CCDC88A: variants seen among roughly 807,000 people sequenced by gnomAD.
CCDC88A encodes the protein girdin.
A neutral mutation model predicts 234.3 loss-of-function variants in CCDC88A; 54 were observed. The observed-to-expected ratio is 0.23, with a 90% CI of 0.19 to 0.29. The LOEUF (loss-of-function observed/expected upper bound fraction) is 0.29, where lower values mean the gene tolerates loss of function less well. Ranked by LOEUF, CCDC88A falls within the 10% of genes least tolerant of loss-of-function variation. The pLI is 1.00. For missense variants in CCDC88A, 1,832 were observed against 2,123.4 expected (o/e 0.86, Z 2.70); for synonymous variants, 753 against 737.8 (o/e 1.02, Z -0.33).
Position 55,317,494 on chromosome 2 carries a change from A to G in CCDC88A, c.3602+70T>C. 1 of 1,232,946 alleles carries G rather than the reference A, an allele frequency of 8.1e-7. No individual in the cohort carries two copies. Among genetic ancestry groups the G allele is most frequent in the Non-Finnish European group, 1.1e-6 (1 of 910,662 alleles). 76.4% of individuals were successfully genotyped at this position (1,232,946 alleles called of 1,614,324 possible). A position where few individuals can be genotyped will look rare whatever the true frequency, so the allele number is the denominator to read the frequency against. On this transcript the variant is annotated intron_variant, in intron 20 of 32. Transcript: ENST00000436346. This position sits in a 1 kb window ranked among gnomAD's most constrained non-coding sequence, Gnocchi z 4.2. ...AACTAACATTAGATGTGTTTAATAT[A>G]TAAAATTTATTATACTACTTGAAGA...
At chr2:55,345,204 T>C (rs192970300) in intron 10 of CCDC88A, among the ~76,000 whole-genome samples, 184 of 152,322 alleles carry the variant, frequency 1.2e-3, no homozygotes, top group African/African-American at 4.3e-3. Context: ...AATTAATATG[T>C]ACTTTATCTC....
At chr2:55,374,985 A>C in intron 3 of CCDC88A, 102 bp from the exon 4 acceptor site, 1 of 669,254 alleles carries the variant, frequency 1.5e-6, no homozygotes. Flanking sequence ...TAGGTGTGCT[A>C]TATTGCAATT....
chr2:55,388,529 G>C, intron 3 of CCDC88A: 1 of 212,724 alleles, frequency 4.7e-6, no homozygotes, highest in Non-Finnish European at 9.2e-6. Flanking sequence ...AAGTTCTCAG[G>C]AAACTGGGAC....
intron 1 of CCDC88A, 46 bp downstream of exon 1, chr2:55,418,971 C>T: frequency 6.3e-7 from 1 of 1,595,610 alleles, no homozygotes; most frequent in Non-Finnish European, 8.6e-7. Flanking sequence ...ATCTCTGCAG[C>T]CACAAATAAC....
intron 25 of CCDC88A, chr2:55,308,399 A>C (rs1434893665): frequency 6.4e-6 from 1 of 156,314 alleles, no homozygotes; most frequent in East Asian, 1.9e-4. Context: ...TATGAGCAGA[A>C]ACCTCATTAT....
intron 2 of CCDC88A, among the ~76,000 whole-genome samples, chr2:55,401,499 C>T (rs1314280991): frequency 1.8e-5 from 1 of 54,618 alleles, no homozygotes; most frequent in Non-Finnish European, 4.0e-5. Context: ...TGTGTGTATA[C>T]ATATATATAT....
intron 15 of CCDC88A, among the ~76,000 whole-genome samples, chr2:55,333,583 C>G (rs898483974): frequency 1.3e-5 from 2 of 152,054 alleles, no homozygotes; most frequent in African/African-American, 4.8e-5. Context: ...TTTAATGTTT[C>G]TGAACCTCAG....
Position 55,362,429 on chromosome 2 carries a change from T to G in CCDC88A, c.506A>C (p.Asn169Thr). Reference sequence around the variant, plus strand: ...TTCCATCCATTGCAGGTCAAACACATTTTCCTGATTATGAGTTACCTTTAG... The same window carrying G: ...TTCCATCCATTGCAGGTCAAACACAGTTTCCTGATTATGAGTTACCTTTAG... ...HIQEVTHNQE[N>T]VFDLQWMEVT... The change falls in exon 7 of 33, where the codon AAT becomes ACT. Residue 169 changes from asparagine (N) to threonine (T), a missense_variant. This residue lies in a region of CCDC88A where 1,282 missense variants were observed against 1,543.6 expected (regional missense o/e 0.83). Transcript: ENST00000436346. 2 of 1,602,178 alleles carry G rather than the reference T, an allele frequency of 1.2e-6. No individual in the cohort carries two copies. Among genetic ancestry groups the G allele is most frequent in the Non-Finnish European group, 1.7e-6 (2 of 1,176,472 alleles).
intron 2 of CCDC88A, among the ~76,000 whole-genome samples, chr2:55,410,882 G>C: frequency 7.2e-6 from 1 of 138,394 alleles, no homozygotes; most frequent in South Asian, 2.4e-4. Context: ...AAGAGAGAGA[G>C]GCCTTGTCTC....
At chr2:55,337,298 A>T (rs1667916685) in intron 13 of CCDC88A, 1 of 152,144 alleles carries the variant, frequency 6.6e-6, no homozygotes, top group African/African-American at 2.4e-5. Context: ...AAAGGAGAAA[A>T]ATACTACCAT....
chr2:55,344,642 T>A, intron 10 of CCDC88A, 128 bp from the exon 11 acceptor site: 1 of 463,648 alleles, frequency 2.2e-6, no homozygotes, highest in Non-Finnish European at 3.7e-6. Context: ...TACTGAGTAA[T>A]AGAAATACAA....
At chr2:55,363,824 A>C (rs544065954) in intron 6 of CCDC88A, 126 bp downstream of exon 6, 2 of 534,412 alleles carry the variant, frequency 3.7e-6, no homozygotes, top group Non-Finnish European at 6.6e-6. Context: ...GTATAAAAGC[A>C]GGGTCCATCT....
intron 2 of CCDC88A, among the ~76,000 whole-genome samples, chr2:55,414,671 T>A (rs1290533248): frequency 6.6e-6 from 1 of 152,174 alleles, no homozygotes; most frequent in Non-Finnish European, 1.5e-5. Context: ...AGAAGTTAGC[T>A]CTTCACTTTC....
At chr2:55,388,727 CA>C in intron 3 of CCDC88A, 50 bp downstream of exon 3, 2 of 726,556 alleles carry the variant, frequency 2.8e-6, no homozygotes, top group Admixed American at 2.5e-5. Context: ...CTAAATAATA[CA>C]AAAATGTAAG....
At chr2:55,296,799 C>T (rs551783200) in intron 29 of CCDC88A, 1 of 349,090 alleles carries the variant, frequency 2.9e-6, no homozygotes, top group East Asian at 5.0e-5. Flanking sequence ...TAAACAGAGC[C>T]TCATACAAAG....
intron 3 of CCDC88A, among the ~76,000 whole-genome samples, chr2:55,379,373 A>G: frequency 6.6e-6 from 1 of 152,348 alleles, no homozygotes; most frequent in Non-Finnish European, 1.5e-5. Context: ...AACTCAAATT[A>G]TAAGAAACCT....
intron 17 of CCDC88A, among the ~76,000 whole-genome samples, chr2:55,324,717 T>C (rs1684048836): frequency 6.6e-6 from 1 of 151,904 alleles, no homozygotes; most frequent in Non-Finnish European, 1.5e-5. Context: ...GCAATTTCAG[T>C]TCACCACAAC....
At chr2:55,305,665 A>G (rs901665313) in intron 25 of CCDC88A, among the ~76,000 whole-genome samples, 1 of 152,142 alleles carries the variant, frequency 6.6e-6, no homozygotes, top group African/African-American at 2.4e-5. Context: ...TGGGCTTAAT[A>G]AGTGAGACCC....
intron 12 of CCDC88A, among the ~76,000 whole-genome samples, chr2:55,340,532 A>C (rs13426766): frequency 3.9e-5 from 6 of 152,164 alleles, no homozygotes; most frequent in Non-Finnish European, 8.8e-5. Context: ...AATAGTTACT[A>C]ACTTTTAAAA....
Sources: allele counts gnomAD v4.1 joint callset (sites outside exome capture counted in the v4.1 genomes callset), GRCh38; gene constraint gnomAD v4.1.1; regional missense constraint gnomAD v4.1.1; non-coding constraint Gnocchi (gnomAD v3.1); transcripts MANE v1.5; gene names NCBI Gene and HGNC (gene_info 2026-07-23, HGNC 2026-07-21).